Variants in ZNF644 observed in about 807,000 individuals in gnomAD.
ZNF644 encodes the protein zinc finger motif enhancer binding protein 2.
ZNF644 carries 20 observed loss-of-function variants against 108.0 expected under a neutral mutation model. That is an observed-to-expected ratio of 0.19 (90% CI 0.13 to 0.27). The LOEUF (loss-of-function observed/expected upper bound fraction) is 0.27, where lower values mean the gene tolerates loss of function less well. ZNF644 is among the 10% of genes least tolerant of loss of function. ZNF644 has a pLI of 1.00. For missense variants in ZNF644, 1,338 were observed against 1,548.9 expected, an observed-to-expected ratio of 0.86 and a Z score of 2.29; for synonymous variants, 542 against 539.1, an observed-to-expected ratio of 1.01 and a Z score of -0.08.
intron 4 of ZNF644, among the ~76,000 whole-genome samples, chr1:90,924,172 A>G (rs1163023974): frequency 6.6e-6 from 1 of 152,204 alleles, no homozygotes; most frequent in African/African-American, 2.4e-5. Context: ...AGCTAACAAT[A>G]TCACAACTAC....
rs201928605 is a variant in ZNF644, at chr1:90,938,932, C to G, written c.2422G>C (p.Val808Leu). ...TTAGATTCCTTAATTACTCTCTTTA[C>G]AGCTACACGTCTGTGATCTTTGAAG... Reference protein sequence around the residue: ...ESFKDHRRVAVKRVIKESKKE... With the variant: ...ESFKDHRRVALKRVIKESKKE... The change falls in exon 3 of 6, where the codon GTA (valine) becomes CTA (leucine). Residue 808 changes from valine to leucine, a missense_variant. Coordinates refer to ENST00000337393, the MANE Select transcript of ZNF644 (RefSeq NM_201269.3). This position sits in a 1 kb window ranked among gnomAD's most constrained non-coding sequence, Gnocchi z 4.2. 10 of 1,614,018 alleles carry G rather than the reference C, an allele frequency of 6.2e-6. No individual in the cohort carries two copies. In the Admixed American group the frequency reaches 1.7e-4, roughly 27 times the overall value.
In ZNF644 at chr1:90,938,975, G is replaced by A. The variant is rs750050759; in HGVS notation, c.2379C>T (p.Asp793=). 1.1e-5 allele frequency: 17 copies of A among 1,613,804 alleles called. No homozygotes were observed. Among genetic ancestry groups the A allele is most frequent in the Middle Eastern group, 1.6e-4 (1 of 6,084 alleles). ...NNFISDPHKP[D]AKRPESFKDH... Reference sequence around the variant, plus strand: ...CTTTGAAGCTTTCAGGCCTTTTGGCGTCAGGCTTATGAGGGTCTGAAATAA... The same window carrying A: ...CTTTGAAGCTTTCAGGCCTTTTGGCATCAGGCTTATGAGGGTCTGAAATAA... The change falls in exon 3 of 6, where the codon GAC becomes GAT. Residue 793 remains aspartate, a synonymous_variant. Coordinates refer to ENST00000337393, the MANE Select transcript of ZNF644 (RefSeq NM_201269.3). The surrounding 1 kb of genome is among the most constrained non-coding windows in gnomAD (Gnocchi z 4.2).
chr1:90,937,388 G>T (rs1651436805), intron 4 of ZNF644, 97 bp downstream of exon 4: 2 of 1,536,674 alleles, frequency 1.3e-6, no homozygotes, highest in Non-Finnish European at 1.8e-6. Flanking sequence ...TAAACAGGAA[G>T]ATTGTGAGAA....
At chr1:91,021,355 A>T (rs1034952328) in intron 1 of ZNF644, 1 of 152,268 alleles carries the variant, frequency 6.6e-6, no homozygotes, top group African/African-American at 2.4e-5. Context: ...TCCTGTCCCA[A>T]GTAAGGGGAG....
chr1:90,916,867 T>C lies in ZNF644; in HGVS notation c.3915A>G (p.Ser1305=), dbSNP rs762930522. ...RTGAGMVEVT[S]LLKKPASITE... is the part of the protein sequence containing the mutation. ...TAATGGAGGCAGGCTTTTTAAGTAG[T>C]GACGTGACTTCCACCATGCCAGCTC... Residue 1305 remains serine, a synonymous_variant, in exon 6 of 6, where the codon TCA becomes TCG. Transcript: ENST00000337393. The C allele has an allele frequency of 1.1e-5, 18 of 1,614,058 alleles. No homozygotes were observed. The African/African-American group carries it at 1.7e-4, about 16-fold the overall frequency.
intron 4 of ZNF644, among the ~76,000 whole-genome samples, chr1:90,929,077 A>T (rs1465518602): frequency 6.6e-6 from 1 of 152,182 alleles, no homozygotes; most frequent in Non-Finnish European, 1.5e-5. Context: ...CTTGCATTTA[A>T]AAAGTCACAA....
chr1:90,932,459 A>G (rs575896928), intron 4 of ZNF644, among the ~76,000 whole-genome samples: 1 of 152,302 alleles, frequency 6.6e-6, no homozygotes, highest in Non-Finnish European at 1.5e-5. Context: ...CTAAGGTAAG[A>G]TTTTATAAAA....
intron 1 of ZNF644, among the ~76,000 whole-genome samples, chr1:90,997,142 T>TA (rs1188825407): frequency 1.3e-5 from 2 of 152,150 alleles, no homozygotes; most frequent in Non-Finnish European, 2.9e-5. Flanking sequence ...CCTGAGACTC[T>TA]AGAGAGCCAC....
intron 1 of ZNF644, among the ~76,000 whole-genome samples, chr1:90,985,434 T>C (rs1656996358): frequency 6.6e-6 from 1 of 152,188 alleles, no homozygotes; most frequent in Non-Finnish European, 1.5e-5. Flanking sequence ...CTTTGTACCA[T>C]TTGATCAACA....
At chr1:90,995,287 T>C (rs545065482) in intron 1 of ZNF644, among the ~76,000 whole-genome samples, 2 of 152,140 alleles carry the variant, frequency 1.3e-5, no homozygotes, top group South Asian at 2.1e-4. Context: ...AGATTAGAGA[T>C]AGCAGAAGAA....
chr1:90,976,307 T>C lies in ZNF644; in HGVS notation c.44+6003A>G, dbSNP rs142555149. ...ACTATACTACTCAGACTTGGCAGTA[T>C]TGTGTTCATCACTTGTACTATAACT... On this transcript the variant is annotated intron_variant, in intron 2 of 5. Coordinates refer to ENST00000337393, the MANE Select transcript of ZNF644 (RefSeq NM_201269.3). 9.8e-4 allele frequency among the ~76,000 whole-genome samples: 149 copies of C among 152,302 alleles called. 2 individuals are homozygous for C. The highest frequency in any genetic ancestry group is 6.8e-3 in the Middle Eastern group (2 of 294).
At chr1:90,958,673 T>C (rs1241908141) in intron 2 of ZNF644, among the ~76,000 whole-genome samples, 5 of 152,176 alleles carry the variant, frequency 3.3e-5, no homozygotes, top group African/African-American at 1.2e-4. Context: ...CAATCGTCTA[T>C]GGCCAATTCA....
intron 1 of ZNF644, among the ~76,000 whole-genome samples, chr1:91,014,751 G>C (rs969470296): frequency 6.6e-6 from 1 of 152,086 alleles, no homozygotes; most frequent in African/African-American, 2.4e-5. Context: ...TGAAATAAGG[G>C]GGGGGAGAAA....
chr1:90,927,237 T>C (rs1228277913), intron 4 of ZNF644, among the ~76,000 whole-genome samples: 1 of 152,210 alleles, frequency 6.6e-6, no homozygotes, highest in African/African-American at 2.4e-5. Flanking sequence ...ACTTAACAAT[T>C]TGTCTTGTAT....
chr1:91,001,697 A>T (rs1240872934), intron 1 of ZNF644, among the ~76,000 whole-genome samples: 1 of 152,208 alleles, frequency 6.6e-6, no homozygotes, highest in Non-Finnish European at 1.5e-5. Flanking sequence ...ACAATCAGGC[A>T]GGAGAAAGAA....
chr1:90,973,186 A>C (rs1655671109), intron 2 of ZNF644: 1 of 152,142 alleles, frequency 6.6e-6, no homozygotes, highest in Non-Finnish European at 1.5e-5. Context: ...ATAAATAACA[A>C]ATATGTCTGG....
intron 4 of ZNF644, among the ~76,000 whole-genome samples, chr1:90,922,636 A>G (rs1649588183): frequency 6.6e-6 from 1 of 152,040 alleles, no homozygotes; most frequent in African/African-American, 2.4e-5. Flanking sequence ...CAGGTTTGTT[A>G]TATAGGTAAA....
chr1:90,994,349 C>A (rs1385602116), intron 1 of ZNF644, among the ~76,000 whole-genome samples: 4 of 152,082 alleles, frequency 2.6e-5, no homozygotes, highest in Non-Finnish European at 2.9e-5. Context: ...TGCTAGAGAC[C>A]CCACAAGCAC....
chr1:90,977,162 C>T (rs1220680165), intron 2 of ZNF644, among the ~76,000 whole-genome samples: 2 of 151,958 alleles, frequency 1.3e-5, no homozygotes, highest in African/African-American at 2.4e-5. Context: ...CTAATGATTG[C>T]GTTGTAAAAG....
Sources: allele counts gnomAD v4.1 joint callset (sites outside exome capture counted in the v4.1 genomes callset), GRCh38; gene constraint gnomAD v4.1.1; non-coding constraint Gnocchi (gnomAD v3.1); transcripts MANE v1.5; gene names NCBI Gene and HGNC (gene_info 2026-07-23, HGNC 2026-07-21).